NAV2: variants seen among roughly 807,000 people sequenced by gnomAD.
The protein encoded by NAV2 is neuron navigator 2, also known as helicase, APC down-regulated 1.
Under a neutral mutation model 223.2 loss-of-function variants are expected in NAV2, and 54 were observed. The observed-to-expected ratio is 0.24, with a 90% CI of 0.19 to 0.30. NAV2 has a LOEUF of 0.30. Among genes scored for constraint, NAV2 ranks in the 10% least tolerant of loss-of-function variants. The probability of loss-of-function intolerance (pLI) is 1.00; values close to 1 mark genes in which losing one functional copy is unlikely to be tolerated. For missense variants in NAV2, 2,806 were observed against 3,147.5 expected, an observed-to-expected ratio of 0.89 and a Z score of 2.60; for synonymous variants, 1,279 against 1,239.3, an observed-to-expected ratio of 1.03 and a Z score of -0.67.
chr11:19,870,668 TTTGCAGGATTTTATCTGTA>T (rs1319092243), intron 4 of NAV2, among the ~76,000 whole-genome samples: 1 of 152,230 alleles, frequency 6.6e-6, no homozygotes, highest in African/African-American at 2.4e-5. Flanking sequence ...CCAATTGTAC[TTTGCAGGATTTTATCTGTA>T]TTGGCTTCAG....
chr11:19,535,799 C>T (rs1342623925), intron 1 of NAV2, among the ~76,000 whole-genome samples: 1 of 152,152 alleles, frequency 6.6e-6, no homozygotes, highest in African/African-American at 2.4e-5. Context: ...CGTGGGGATC[C>T]ATCTTCTTGT....
At chr11:19,914,517 A>G (rs909496942) in intron 6 of NAV2, among the ~76,000 whole-genome samples, 1 of 151,910 alleles carries the variant, frequency 6.6e-6, no homozygotes, top group Non-Finnish European at 1.5e-5. Context: ...AACCGCTTAA[A>G]ATTTAATATT....
intron 1 of NAV2, among the ~76,000 whole-genome samples, chr11:19,351,976 AGTGT>A (rs59544307): frequency 2.6e-3 from 372 of 145,666 alleles, no homozygotes; most frequent in South Asian, 5.8e-3. Flanking sequence ...TCTCTCTGTG[AGTGT>A]GTGTGTGTGT....
intron 11 of NAV2, among the ~76,000 whole-genome samples, chr11:19,993,411 C>T (rs117459394): frequency 0.01 from 1,530 of 152,326 alleles, 18 homozygotes; most frequent in Non-Finnish European, 0.014. Flanking sequence ...AACTTTTCCT[C>T]ATTATTGGCC....
intron 1 of NAV2, among the ~76,000 whole-genome samples, chr11:19,479,861 C>T (rs1361342806): frequency 4.6e-5 from 7 of 152,206 alleles, no homozygotes; most frequent in Admixed American, 4.6e-4. Context: ...CGCACACACA[C>T]TTCTCAGCCC....
chr11:20,034,023 G>A lies in NAV2; in HGVS notation c.2769-1936G>A, dbSNP rs149743803. On this transcript the variant is annotated intron_variant, in intron 11 of 37. Coordinates refer to ENST00000349880, the MANE Select transcript of NAV2 (RefSeq NM_145117.5). ...TTAACCAGGCTGCCTGGCCTCCCAA[G>A]CCTGGCGTCCTCCTGAGAAAGTGGG... is the stretch of plus-strand genomic sequence containing the variant. Among the ~76,000 whole-genome samples, 906 of 152,282 alleles carry A rather than the reference G, an allele frequency of 5.9e-3. 7 individuals carry two copies. The highest frequency in any genetic ancestry group is 0.021 in the African/African-American group (858 of 41,536).
At position 20,118,471 on chromosome 11, in the gene NAV2, C is replaced by T; in HGVS notation, c.*213C>T. The T allele has an allele frequency of 1.7e-6, 1 of 579,216 alleles. No homozygotes were observed. Among genetic ancestry groups the T allele is most frequent in the Non-Finnish European group, 3.1e-6 (1 of 323,274 alleles). The allele number at this position is 579,216 out of a possible 1,614,324, so 35.9% of individuals were successfully genotyped here. A position where few individuals can be genotyped will look rare whatever the true frequency, so the allele number is the denominator to read the frequency against. On this transcript the variant is annotated 3_prime_UTR_variant, in exon 38 of 38. Transcript: ENST00000349880. ...GCTTCCTTCCACAGCGAGAACTGCA[C>T]TACCTTCTGTTGTACTTTAATTATT...
At chr11:19,852,864 G>A (rs1397064951) in intron 3 of NAV2, among the ~76,000 whole-genome samples, 2 of 152,202 alleles carry the variant, frequency 1.3e-5, no homozygotes, top group Non-Finnish European at 1.5e-5. Flanking sequence ...CACAGAGAAT[G>A]GAGTGATGTG....
At chr11:19,964,580 C>T (rs1044589976) in intron 10 of NAV2, among the ~76,000 whole-genome samples, 7 of 151,264 alleles carry the variant, frequency 4.6e-5, no homozygotes, top group Admixed American at 6.6e-5. Context: ...ACTGAAACCT[C>T]GAATTCCTAG....
At chr11:20,075,407 T>G (rs2059671924) in intron 22 of NAV2, among the ~76,000 whole-genome samples, 1 of 137,422 alleles carries the variant, frequency 7.3e-6, no homozygotes, top group Non-Finnish European at 1.6e-5. Flanking sequence ...GTTTGTTTGT[T>G]TGTTTTTGTA....
At chr11:19,499,447 G>A (rs2042895783) in intron 1 of NAV2, among the ~76,000 whole-genome samples, 1 of 152,236 alleles carries the variant, frequency 6.6e-6, no homozygotes, top group African/African-American at 2.4e-5. Context: ...GTCAAAGGGA[G>A]AAATGTTGTG....
At chr11:19,527,696 G>A (rs2043886733) in intron 1 of NAV2, among the ~76,000 whole-genome samples, 1 of 144,366 alleles carries the variant, frequency 6.9e-6, no homozygotes, top group Non-Finnish European at 1.5e-5. Context: ...ATGAACTTCT[G>A]CAGCTTGATC....
chr11:19,646,002 T>C (rs1021666026), intron 1 of NAV2, among the ~76,000 whole-genome samples: 1 of 152,254 alleles, frequency 6.6e-6, no homozygotes, highest in African/African-American at 2.4e-5. Flanking sequence ...TCTCATGCAA[T>C]GTGATGTCAT....
chr11:19,621,851 G>A (rs910167727), intron 1 of NAV2, among the ~76,000 whole-genome samples: 1 of 152,224 alleles, frequency 6.6e-6, no homozygotes, highest in East Asian at 1.9e-4. Flanking sequence ...TGATGGTAGG[G>A]TGTCAATTTT....
intron 1 of NAV2, among the ~76,000 whole-genome samples, chr11:19,360,445 CCT>C (rs768351087): frequency 1.2e-4 from 18 of 152,202 alleles, no homozygotes; most frequent in African/African-American, 2.7e-4. Context: ...CAATCTCTCC[CCT>C]GTTGAAATTT....
chr11:19,714,011 A>C, intron 1 of NAV2, 49 bp downstream of exon 1: 1 of 1,599,726 alleles, frequency 6.3e-7, no homozygotes, highest in Non-Finnish European at 8.5e-7. Flanking sequence ...ATGGATGAAT[A>C]GTTCTTTCGG....
intron 35 of NAV2, 152 bp from the exon 36 acceptor site, chr11:20,107,512 A>C: frequency 1.5e-6 from 1 of 658,066 alleles, no homozygotes; most frequent in South Asian, 1.8e-5. Flanking sequence ...GCCACCATCC[A>C]GGGCTAGTAT....
At chr11:19,488,804 G>A (rs562199791) in intron 1 of NAV2, among the ~76,000 whole-genome samples, 2 of 152,268 alleles carry the variant, frequency 1.3e-5, no homozygotes, top group Admixed American at 6.5e-5. Flanking sequence ...TGAATGACCA[G>A]GTGTGGCCAT....
intron 1 of NAV2, among the ~76,000 whole-genome samples, chr11:19,623,559 G>T (rs182155195): frequency 6.6e-6 from 1 of 152,000 alleles, no homozygotes; most frequent in Admixed American, 6.5e-5. Flanking sequence ...GATCGAATCC[G>T]CTACTGAAGC....
Sources: gnomAD v4.1 joint callset for allele counts (sites outside exome capture counted in the v4.1 genomes callset) on GRCh38, gnomAD v4.1.1 for gene constraint, MANE v1.5 for transcripts, NCBI Gene and HGNC (gene_info 2026-07-23, HGNC 2026-07-21) for gene names.